DOCK4: variants seen among roughly 807,000 people sequenced by gnomAD.
DOCK4 encodes the protein dedicator of cytokinesis protein 4.
A neutral mutation model predicts 268.1 loss-of-function variants in DOCK4; 97 were observed. The ratio of observed to expected loss-of-function variants is 0.36; its 90% CI spans 0.31 to 0.43. The LOEUF is 0.43. Ranked by LOEUF, DOCK4 falls within the 20% of genes least tolerant of loss-of-function variation. DOCK4 has a pLI of 1.00. For synonymous variants in DOCK4, 954 were observed against 887.2 expected, an observed-to-expected ratio of 1.08 and a Z score of -1.34; for missense variants, 2,145 against 2,455.7, an observed-to-expected ratio of 0.87 and a Z score of 2.67.
intron 1 of DOCK4, among the ~76,000 whole-genome samples, chr7:112,129,803 T>C (rs1813625895): frequency 6.6e-6 from 1 of 152,214 alleles, no homozygotes; most frequent in African/African-American, 2.4e-5. Flanking sequence ...TTCCTCCTTT[T>C]ATGGGGTTGT....
chr7:112,152,694 T>A (rs963456326), intron 1 of DOCK4, among the ~76,000 whole-genome samples: 1 of 152,152 alleles, frequency 6.6e-6, no homozygotes, highest in Non-Finnish European at 1.5e-5. Flanking sequence ...GCTATGTTGC[T>A]GAGGCTGGTC....
intron 1 of DOCK4, among the ~76,000 whole-genome samples, chr7:112,205,166 T>G (rs1446189700): frequency 6.6e-6 from 1 of 152,172 alleles, no homozygotes; most frequent in African/African-American, 2.4e-5. Context: ...GAGACTCCTG[T>G]ATTCATCAGT....
In DOCK4 at chr7:112,010,292, C is replaced by A. The variant is rs1311107592; in HGVS notation, c.38-6161G>T. 2.6e-5 allele frequency among the ~76,000 whole-genome samples: 4 copies of A among 152,310 alleles called. No homozygotes were observed. In the East Asian group the frequency reaches 7.7e-4, roughly 29 times the overall value. ...TTCAAGGTACTTCCCTGTTTTCTAG[C>A]TGTCTGGGACAGGGCTGGAGGAAAG... On this transcript the variant is annotated intron_variant, in intron 1 of 52. Coordinates refer to ENST00000428084, the MANE Select transcript of DOCK4 (RefSeq NM_001363540.2).
chr7:111,809,411 G>T lies in DOCK4; in HGVS notation c.3007-10C>A. On this transcript the variant is annotated splice_polypyrimidine_tract_variant and intron_variant, in intron 28 of 52. Transcript: ENST00000428084. ...AGTAGGAATCCCAGATCTAAAACAA[G>T]AACAAGATATATCAATACTATGGTG... The T allele has an allele frequency of 6.5e-7, 1 of 1,542,834 alleles. No individual in the cohort carries two copies. The highest frequency in any genetic ancestry group is 1.2e-5 in the South Asian group (1 of 83,920).
intron 30 of DOCK4, among the ~76,000 whole-genome samples, chr7:111,796,758 T>C (rs1203453838): frequency 1.3e-5 from 2 of 152,134 alleles, no homozygotes; most frequent in Non-Finnish European, 2.9e-5. Flanking sequence ...CTCTCCAAGA[T>C]CCATTTTTTA....
intron 23 of DOCK4, among the ~76,000 whole-genome samples, chr7:111,854,147 C>T (rs1175033928): frequency 1.3e-5 from 2 of 152,004 alleles, no homozygotes; most frequent in African/African-American, 2.4e-5. Flanking sequence ...TTGTCTTATG[C>T]CCAATTTCTG....
chr7:111,865,897 T>C (rs1181912789), intron 22 of DOCK4, among the ~76,000 whole-genome samples: 1 of 152,208 alleles, frequency 6.6e-6, no homozygotes, highest in Non-Finnish European at 1.5e-5. Context: ...ATCAAGGAAA[T>C]GCAGACATTA....
chr7:111,879,188 T>C (rs1432271032), intron 16 of DOCK4, among the ~76,000 whole-genome samples: 2 of 152,008 alleles, frequency 1.3e-5, no homozygotes, highest in African/African-American at 4.8e-5. Flanking sequence ...GCCTCCATTC[T>C]AGGCTTAGAT....
chr7:111,942,971 G>A (rs1195085006), intron 10 of DOCK4, among the ~76,000 whole-genome samples: 1 of 152,156 alleles, frequency 6.6e-6, no homozygotes, highest in South Asian at 2.1e-4. Flanking sequence ...TGAGGAACAA[G>A]CATTTTGCAT....
intron 1 of DOCK4, among the ~76,000 whole-genome samples, chr7:112,020,553 T>C (rs1802225444): frequency 6.6e-6 from 1 of 152,090 alleles, no homozygotes; most frequent in African/African-American, 2.4e-5. Context: ...CAATCATGTG[T>C]TGTAGTCTCC....
intron 1 of DOCK4, among the ~76,000 whole-genome samples, chr7:112,073,374 G>A (rs1807777511): frequency 6.6e-6 from 1 of 151,826 alleles, no homozygotes; most frequent in African/African-American, 2.4e-5. Flanking sequence ...CAATAGCTAT[G>A]ATATAGAATA....
At chr7:111,899,564 C>A (rs1352679311) in intron 15 of DOCK4, among the ~76,000 whole-genome samples, 1 of 152,154 alleles carries the variant, frequency 6.6e-6, no homozygotes, top group Non-Finnish European at 1.5e-5. Flanking sequence ...GAAGGGATAA[C>A]TTTATGGATA....
At chr7:111,934,119 C>A (rs573890310) in intron 12 of DOCK4, among the ~76,000 whole-genome samples, 1 of 152,284 alleles carries the variant, frequency 6.6e-6, no homozygotes, top group South Asian at 2.1e-4. Context: ...AAACAGCTTA[C>A]TTTATTTGAA....
intron 35 of DOCK4, among the ~76,000 whole-genome samples, chr7:111,782,609 G>A (rs1280046922): frequency 6.6e-6 from 1 of 152,084 alleles, no homozygotes; most frequent in Admixed American, 6.6e-5. Flanking sequence ...CATCACTCTG[G>A]GATCCCACAC....
chr7:111,953,139 A>T (rs1026620632), intron 8 of DOCK4, among the ~76,000 whole-genome samples: 1 of 151,898 alleles, frequency 6.6e-6, no homozygotes, highest in African/African-American at 2.4e-5. Context: ...AGGTGGGAGG[A>T]TCACTTGAGC....
chr7:111,758,642 A>G lies in DOCK4; in HGVS notation c.4311T>C (p.Asp1437=). 6.2e-7 allele frequency: 1 copy of G among 1,613,882 alleles called. No individual in the cohort carries two copies. The highest frequency in any genetic ancestry group is 8.5e-7 in the Non-Finnish European group (1 of 1,179,858). Residue 1437 remains aspartate (D), a synonymous_variant, in exon 41 of 53, where the codon GAT becomes GAC. Transcript: ENST00000428084. ...YDRPFHKGTK[D]KENEFKSLWV... ...ATGGTACCTTGAATTCATTCTCTTT[A>G]TCTTTTGTGCCTTTGTGAAATGGTC...
intron 16 of DOCK4, among the ~76,000 whole-genome samples, chr7:111,888,120 T>C (rs1166863789): frequency 6.6e-6 from 1 of 151,770 alleles, no homozygotes; most frequent in Admixed American, 6.6e-5. Flanking sequence ...TTGTGAGGAC[T>C]AGTTTGCCTG....
At chr7:112,117,189 C>T (rs955726405) in intron 1 of DOCK4, among the ~76,000 whole-genome samples, 1 of 152,200 alleles carries the variant, frequency 6.6e-6, no homozygotes, top group Non-Finnish European at 1.5e-5. Context: ...CATAGCTTTG[C>T]TCCCACCTTT....
chr7:112,095,213 A>G (rs959271017), intron 1 of DOCK4, among the ~76,000 whole-genome samples: 2 of 152,132 alleles, frequency 1.3e-5, no homozygotes, highest in African/African-American at 2.4e-5. Flanking sequence ...GGAGGAGTCA[A>G]AGAAAGACAA....
Sources: allele counts gnomAD v4.1 joint callset (sites outside exome capture counted in the v4.1 genomes callset), GRCh38; gene constraint gnomAD v4.1.1; transcripts MANE v1.5; gene names NCBI Gene and HGNC (gene_info 2026-07-23, HGNC 2026-07-21).